Variants in EFCAB5 observed in about 807,000 individuals in gnomAD.
The protein encoded by EFCAB5 is EF-hand calcium-binding domain-containing protein 5.
A neutral mutation model predicts 167.9 loss-of-function variants in EFCAB5; 131 were observed. The observed-to-expected ratio is 0.78, with a 90% CI of 0.68 to 0.90. The LOEUF (loss-of-function observed/expected upper bound fraction) is 0.90. Among genes scored for constraint, EFCAB5 ranks in the 40% least tolerant of loss-of-function variants. EFCAB5 has a pLI of 0.00. For missense variants in EFCAB5, 1,663 were observed against 1,745.2 expected (o/e 0.95, Z 0.84); for synonymous variants, 574 against 602.8 (o/e 0.95, Z 0.70).
intron 4 of EFCAB5, among the ~76,000 whole-genome samples, chr17:29,977,860 C>A (rs565123360): frequency 3.2e-4 from 48 of 152,126 alleles, no homozygotes; most frequent in African/African-American, 1.1e-3. Context: ...CATATTAAGT[C>A]GTGTAGTGTT....
intron 8 of EFCAB5, among the ~76,000 whole-genome samples, chr17:30,042,270 A>G (rs561731545): frequency 4.6e-5 from 7 of 152,298 alleles, no homozygotes; most frequent in Non-Finnish European, 1.0e-4. Flanking sequence ...CAGCCTCCCA[A>G]AGTGCTGGGA....
At chr17:29,955,206 T>A (rs567336114) in intron 3 of EFCAB5, among the ~76,000 whole-genome samples, 4 of 152,238 alleles carry the variant, frequency 2.6e-5, no homozygotes, top group Non-Finnish European at 5.9e-5. Context: ...GGTTTTGGAA[T>A]GAGGGAACAT....
chr17:30,020,331 A>G (rs926527121), intron 7 of EFCAB5, among the ~76,000 whole-genome samples: 1 of 148,244 alleles, frequency 6.7e-6, no homozygotes, highest in Non-Finnish European at 1.5e-5. Flanking sequence ...GCTTAGTTTA[A>G]GTTGGATTTT....
At chr17:30,010,743 C>T (rs571808613) in intron 7 of EFCAB5, among the ~76,000 whole-genome samples, 1 of 152,250 alleles carries the variant, frequency 6.6e-6, no homozygotes, top group African/African-American at 2.4e-5. Flanking sequence ...AATTTTGTCC[C>T]GTTCTGTAGG....
chr17:30,095,173 G>C (rs1567776052), intron 22 of EFCAB5, among the ~76,000 whole-genome samples: 1 of 152,124 alleles, frequency 6.6e-6, no homozygotes, highest in Non-Finnish European at 1.5e-5. Context: ...GTCCCCTATT[G>C]CAAGTATAAC....
chr17:29,959,528 C>T (rs945502297), intron 3 of EFCAB5, among the ~76,000 whole-genome samples: 6 of 152,084 alleles, frequency 3.9e-5, no homozygotes, highest in Admixed American at 3.9e-4. Context: ...TATTCAAGGC[C>T]CATGGGCACT....
chr17:30,084,848 C>T (rs1253568440), intron 18 of EFCAB5, among the ~76,000 whole-genome samples: 1 of 152,114 alleles, frequency 6.6e-6, no homozygotes, highest in Non-Finnish European at 1.5e-5. Flanking sequence ...GCAACTGGGG[C>T]ATTGATGCTT....
chr17:29,984,846 A>T (rs2068248221), intron 4 of EFCAB5, among the ~76,000 whole-genome samples: 2 of 152,236 alleles, frequency 1.3e-5, no homozygotes, highest in Non-Finnish European at 2.9e-5. Flanking sequence ...ATTTTTGAAC[A>T]CTTGTTTTTC....
chr17:29,969,779 A>G (rs977152745), intron 4 of EFCAB5, among the ~76,000 whole-genome samples: 1 of 151,980 alleles, frequency 6.6e-6, no homozygotes. Context: ...CCAATATTCC[A>G]CCTCCACCAT....
At position 30,086,917 on chromosome 17, in the gene EFCAB5, C is replaced by G; in HGVS notation, c.3580-146C>G. 3.3e-6 allele frequency: 2 copies of G among 598,594 alleles called. 1 individual carries two copies. Among genetic ancestry groups the G allele is most frequent in the South Asian group, 4.8e-5 (2 of 41,582 alleles). 37.1% of individuals were successfully genotyped at this position (598,594 alleles called of 1,614,324 possible). ...CGAAAAAAAAAAATTATCCTGTTCT[C>G]TAATGGTACTAAGTAAAATGTCACT... On this transcript the variant is annotated intron_variant, in intron 18 of 22. Coordinates refer to ENST00000394835, the MANE Select transcript of EFCAB5 (RefSeq NM_198529.4).
chr17:29,978,385 T>C (rs1338387226), intron 4 of EFCAB5, among the ~76,000 whole-genome samples: 2 of 152,232 alleles, frequency 1.3e-5, no homozygotes, highest in Non-Finnish European at 2.9e-5. Flanking sequence ...TCTACTCTTG[T>C]TCAACCTGAA....
At chr17:30,083,485 G>A (rs556626398) in intron 18 of EFCAB5, among the ~76,000 whole-genome samples, 12 of 152,166 alleles carry the variant, frequency 7.9e-5, no homozygotes, top group Admixed American at 3.9e-4. Flanking sequence ...ACGGAGTCTC[G>A]CTCTTGTTGC....
At chr17:30,063,107 A>G (rs1321258838) in intron 14 of EFCAB5, among the ~76,000 whole-genome samples, 1 of 152,148 alleles carries the variant, frequency 6.6e-6, no homozygotes, top group Non-Finnish European at 1.5e-5. Flanking sequence ...TACAGTCCAA[A>G]CAACTCTAGT....
intron 1 of EFCAB5, among the ~76,000 whole-genome samples, chr17:29,934,516 C>T (rs1328746100): frequency 6.6e-6 from 1 of 152,038 alleles, no homozygotes; most frequent in Non-Finnish European, 1.5e-5. Flanking sequence ...AGGAAGAATG[C>T]TATATATATA....
At chr17:30,060,724 G>T (rs1174091941) in intron 14 of EFCAB5, among the ~76,000 whole-genome samples, 2 of 152,124 alleles carry the variant, frequency 1.3e-5, no homozygotes, top group African/African-American at 2.4e-5. Context: ...CATGTCTTAG[G>T]ATACATCCAA....
chr17:30,054,750 A>AT (rs2070205102), intron 10 of EFCAB5, among the ~76,000 whole-genome samples: 1 of 152,180 alleles, frequency 6.6e-6, no homozygotes, highest in African/African-American at 2.4e-5. Context: ...CAATTCATAC[A>AT]TTTTTAACTG....
chr17:30,050,336 C>T (rs930780993), intron 8 of EFCAB5, among the ~76,000 whole-genome samples: 1 of 152,016 alleles, frequency 6.6e-6, no homozygotes, highest in Non-Finnish European at 1.5e-5. Flanking sequence ...GGTTTCTCTG[C>T]GTTGGTCAGG....
At chr17:29,968,057 T>C (rs193111038) in intron 3 of EFCAB5, among the ~76,000 whole-genome samples, 131 of 152,142 alleles carry the variant, frequency 8.6e-4, no homozygotes, top group Non-Finnish European at 1.4e-3. Flanking sequence ...TTATTGTTTG[T>C]AGAAACAGCA....
intron 3 of EFCAB5, among the ~76,000 whole-genome samples, chr17:29,964,677 T>G (rs2151567260): frequency 6.6e-6 from 1 of 152,262 alleles, no homozygotes; most frequent in Non-Finnish European, 1.5e-5. Context: ...TGGTTATTTA[T>G]GTATCTTTGC....
Sources: allele counts gnomAD v4.1 joint callset (sites outside exome capture counted in the v4.1 genomes callset), GRCh38; gene constraint gnomAD v4.1.1; transcripts MANE v1.5; gene names NCBI Gene and HGNC (gene_info 2026-07-23, HGNC 2026-07-21).